LSAMP: variants seen among roughly 807,000 people sequenced by gnomAD.
LSAMP encodes the protein limbic system-associated membrane protein.
In LSAMP, 7 loss-of-function variants were observed where a neutral mutation model predicts 38.6. The ratio of observed to expected loss-of-function variants is 0.18; its 90% confidence interval spans 0.10 to 0.34. The LOEUF is 0.34. Ranked by LOEUF, LSAMP falls within the 10% of genes least tolerant of loss-of-function variation. The pLI is 1.00. For synonymous variants in LSAMP, 154 were observed against 166.8 expected, an observed-to-expected ratio of 0.92 and a Z score of 0.59; for missense variants, 313 against 420.0, an observed-to-expected ratio of 0.75 and a Z score of 2.23.
intron 3 of LSAMP, among the ~76,000 whole-genome samples, chr3:115,876,171 G>T (rs1936174119): frequency 6.7e-6 from 1 of 149,832 alleles, no homozygotes; most frequent in South Asian, 2.1e-4. Flanking sequence ...TGAATTATCT[G>T]CATTAGTCCT....
At chr3:116,340,822 G>A (rs2047982135) in intron 1 of LSAMP, among the ~76,000 whole-genome samples, 1 of 151,918 alleles carries the variant, frequency 6.6e-6, no homozygotes, top group Non-Finnish European at 1.5e-5. Context: ...ACACATAAAT[G>A]TCTCTTTCTA....
chr3:116,067,324 C>A (rs1452162511), intron 2 of LSAMP, among the ~76,000 whole-genome samples: 1 of 152,134 alleles, frequency 6.6e-6, no homozygotes, highest in African/African-American at 2.4e-5. Flanking sequence ...TGTGGCATTA[C>A]TGGCTACTCT....
At chr3:116,146,033 AT>A (rs1709482887) in intron 1 of LSAMP, among the ~76,000 whole-genome samples, 1 of 151,864 alleles carries the variant, frequency 6.6e-6, no homozygotes, top group Non-Finnish European at 1.5e-5. Context: ...CTTGGTTTCA[AT>A]TTCACACAAG....
At chr3:116,039,425 T>C (rs1314332552) in intron 2 of LSAMP, among the ~76,000 whole-genome samples, 1 of 152,094 alleles carries the variant, frequency 6.6e-6, no homozygotes, top group East Asian at 1.9e-4. Context: ...TCTGTGAGAG[T>C]ACATTTAAAA....
intron 1 of LSAMP, among the ~76,000 whole-genome samples, chr3:116,109,857 GA>G (rs1708559261): frequency 6.6e-6 from 1 of 151,162 alleles, no homozygotes; most frequent in African/African-American, 2.4e-5. Context: ...TTACCCTCCA[GA>G]AAAGCGGGAA....
chr3:115,879,315 A>G (rs1936264174), intron 3 of LSAMP, among the ~76,000 whole-genome samples: 1 of 152,144 alleles, frequency 6.6e-6, no homozygotes, highest in Admixed American at 6.6e-5. Context: ...GCCATTGGAG[A>G]CTTGGAATAT....
chr3:116,145,128 T>C (rs576135792), intron 1 of LSAMP, among the ~76,000 whole-genome samples: 2 of 152,108 alleles, frequency 1.3e-5, no homozygotes, highest in East Asian at 3.9e-4. Context: ...TTTGCTTTTG[T>C]TTATTTCGCA....
At chr3:116,396,745 A>G (rs575316536) in intron 1 of LSAMP, among the ~76,000 whole-genome samples, 1 of 152,268 alleles carries the variant, frequency 6.6e-6, no homozygotes, top group East Asian at 1.9e-4. Context: ...AGTCTAATAG[A>G]CATATCAAAC....
intron 1 of LSAMP, among the ~76,000 whole-genome samples, chr3:116,291,821 A>C (rs2047271353): frequency 1.3e-5 from 2 of 152,200 alleles, no homozygotes; most frequent in Non-Finnish European, 2.9e-5. Flanking sequence ...GCCACACTTT[A>C]GAAGTTGCAT....
chr3:116,214,794 C>T (rs1044512945), intron 1 of LSAMP, among the ~76,000 whole-genome samples: 1 of 152,130 alleles, frequency 6.6e-6, no homozygotes, highest in African/African-American at 2.4e-5. Context: ...TGAGTCACCA[C>T]ACCCAGCCAG....
At chr3:116,314,805 G>A (rs895286875) in intron 1 of LSAMP, among the ~76,000 whole-genome samples, 1 of 151,992 alleles carries the variant, frequency 6.6e-6, no homozygotes, top group Non-Finnish European at 1.5e-5. Context: ...ACCATATATA[G>A]GTTCTAAGAA....
intron 3 of LSAMP, among the ~76,000 whole-genome samples, chr3:116,018,699 G>A (rs1193865723): frequency 1.3e-5 from 2 of 152,140 alleles, no homozygotes; most frequent in Non-Finnish European, 2.9e-5. Flanking sequence ...AGAGGAGTAT[G>A]TATGTACCTA....
intron 1 of LSAMP, among the ~76,000 whole-genome samples, chr3:116,426,995 G>T (rs1405599851): frequency 1.3e-5 from 2 of 150,722 alleles, no homozygotes; most frequent in Admixed American, 1.3e-4. Context: ...TCTATTTATT[G>T]TGTCCTCACT....
At chr3:116,428,755 C>T (rs772114421) in intron 1 of LSAMP, among the ~76,000 whole-genome samples, 1 of 152,122 alleles carries the variant, frequency 6.6e-6, no homozygotes, top group Non-Finnish European at 1.5e-5. Flanking sequence ...GAAATGAACT[C>T]TGACATATTT....
At chr3:115,839,711 C>T in intron 6 of LSAMP, among the ~76,000 whole-genome samples, 1 of 152,164 alleles carries the variant, frequency 6.6e-6, no homozygotes, top group East Asian at 1.9e-4. Flanking sequence ...TGCATGCTGC[C>T]AAAGACACAA....
At chr3:115,823,916 G>A (rs1233973006) in intron 6 of LSAMP, among the ~76,000 whole-genome samples, 3 of 151,962 alleles carry the variant, frequency 2.0e-5, no homozygotes, top group African/African-American at 7.3e-5. Flanking sequence ...GTCGTATAAA[G>A]TAAGTATAGG....
intron 1 of LSAMP, among the ~76,000 whole-genome samples, chr3:116,405,621 A>G (rs1310967803): frequency 6.6e-6 from 1 of 152,186 alleles, no homozygotes; most frequent in Non-Finnish European, 1.5e-5. Flanking sequence ...TGATCAACAG[A>G]AGCACTAAGT....
At chr3:116,330,542 G>C (rs926712288) in intron 1 of LSAMP, among the ~76,000 whole-genome samples, 4 of 151,502 alleles carry the variant, frequency 2.6e-5, no homozygotes, top group Non-Finnish European at 5.9e-5. Context: ...TAAAGGACCA[G>C]CATGCTCCCC....
At chr3:115,985,197 T>C (rs1939474985) in intron 3 of LSAMP, among the ~76,000 whole-genome samples, 1 of 152,284 alleles carries the variant, frequency 6.6e-6, no homozygotes. Flanking sequence ...TAACATTTAT[T>C]GTGATAGCTA....
Sources: allele counts gnomAD v4.1 joint callset (sites outside exome capture counted in the v4.1 genomes callset), GRCh38; gene constraint gnomAD v4.1.1; transcripts MANE v1.5; gene names NCBI Gene and HGNC (gene_info 2026-07-23, HGNC 2026-07-21).